THSD7B: variants seen among roughly 807,000 people sequenced by gnomAD.
THSD7B encodes thrombospondin type-1 domain-containing protein 7B.
In THSD7B, 138 loss-of-function variants were observed where a neutral mutation model predicts 213.6. The observed-to-expected ratio is 0.65, with a 90% CI of 0.56 to 0.74. THSD7B has a LOEUF of 0.74. THSD7B is among the 30% of genes least tolerant of loss of function. The pLI is 0.00. For missense variants in THSD7B, 1,931 were observed against 1,991.5 expected (o/e 0.97, Z 0.58); for synonymous variants, 742 against 687.0 (o/e 1.08, Z -1.25).
At chr2:137,574,892 T>C (rs1017971956) in intron 17 of THSD7B, among the ~76,000 whole-genome samples, 4 of 152,116 alleles carry the variant, frequency 2.6e-5, no homozygotes, top group Non-Finnish European at 4.4e-5. Flanking sequence ...GTGCATTTCA[T>C]TAGAAAAAGG....
At chr2:137,169,076 C>T (rs1035262426) in intron 6 of THSD7B, among the ~76,000 whole-genome samples, 3 of 151,100 alleles carry the variant, frequency 2.0e-5, no homozygotes, top group African/African-American at 7.3e-5. Flanking sequence ...GAGAATATAG[C>T]CTCTGACTGG....
chr2:137,329,731 T>C (rs1684451910), intron 12 of THSD7B, among the ~76,000 whole-genome samples: 1 of 152,204 alleles, frequency 6.6e-6, no homozygotes, highest in Non-Finnish European at 1.5e-5. Context: ...TTGGAAAATT[T>C]GCCTGACAAT....
In THSD7B at chr2:137,530,361, A is replaced by G. The variant is rs906893884; in HGVS notation, c.3139-32860A>G. Among the ~76,000 whole-genome samples the G allele has an allele frequency of 3.9e-5, 6 of 152,134 alleles. 1 individual carries two copies. The highest frequency in any genetic ancestry group is 1.4e-4 in the African/African-American group (6 of 41,542). On this transcript the variant is annotated intron_variant, in intron 15 of 27. Transcript: ENST00000409968. ...CTTGCATGACATAGCTAAATGACCT[A>G]TCAGGCCCACCATGTTTCTCAATGA...
intron 1 of THSD7B, among the ~76,000 whole-genome samples, chr2:136,855,123 C>T (rs1042316845): frequency 5.9e-5 from 9 of 152,042 alleles, no homozygotes; most frequent in Non-Finnish European, 1.2e-4. Flanking sequence ...GCCTTACTCG[C>T]GTCTCCTTTA....
chr2:137,516,865 G>A (rs965369949), intron 15 of THSD7B, among the ~76,000 whole-genome samples: 11 of 152,152 alleles, frequency 7.2e-5, no homozygotes, highest in Non-Finnish European at 1.2e-4. Flanking sequence ...AAGGGATTGC[G>A]GAGATTAGTG....
intron 1 of THSD7B, among the ~76,000 whole-genome samples, chr2:136,850,430 G>A (rs955200209): frequency 2.0e-5 from 3 of 152,124 alleles, no homozygotes; most frequent in Non-Finnish European, 4.4e-5. Context: ...TAAAACAAGT[G>A]TAATTTCAGG....
In THSD7B at chr2:137,562,071, C is replaced by G. The variant is rs548479599; in HGVS notation, c.3139-1150C>G. Among the ~76,000 whole-genome samples, 20 of 152,170 alleles carry G rather than the reference C, an allele frequency of 1.3e-4. No individual in the cohort carries two copies. In the South Asian group the frequency reaches 4.1e-3, roughly 32 times the overall value. ...TTTTACCTAACATGCTGACAGTGCT[C>G]CAATCTTGTTTCTTGATTATCCTAT... On this transcript the variant is annotated intron_variant, in intron 15 of 27. Coordinates refer to ENST00000409968, the MANE Select transcript of THSD7B (RefSeq NM_001316349.2).
intron 12 of THSD7B, among the ~76,000 whole-genome samples, chr2:137,277,834 T>C (rs1229145933): frequency 2.0e-5 from 3 of 152,088 alleles, no homozygotes; most frequent in African/African-American, 7.2e-5. Context: ...TGTGTGTATG[T>C]GTGTTGGGAG....
chr2:136,928,308 A>G (rs1684574114), intron 2 of THSD7B, among the ~76,000 whole-genome samples: 1 of 152,216 alleles, frequency 6.6e-6, no homozygotes, highest in African/African-American at 2.4e-5. Flanking sequence ...GAATGGTTGT[A>G]TGGTTACTTG....
chr2:136,919,743 G>A (rs938462383), intron 2 of THSD7B, among the ~76,000 whole-genome samples: 2 of 152,170 alleles, frequency 1.3e-5, no homozygotes, highest in African/African-American at 4.8e-5. Flanking sequence ...TACTGGCCTG[G>A]ATCCCACACC....
At chr2:137,281,734 C>A (rs184518246) in intron 12 of THSD7B, among the ~76,000 whole-genome samples, 5,050 of 152,132 alleles carry the variant, frequency 0.033, 91 homozygotes, top group East Asian at 0.052. Context: ...GACATGAACT[C>A]ATCGTTTTTT....
chr2:137,081,441 G>A (rs1371009269), intron 3 of THSD7B, among the ~76,000 whole-genome samples: 1 of 151,716 alleles, frequency 6.6e-6, no homozygotes, highest in East Asian at 1.9e-4. Context: ...ACTGAATCTT[G>A]TATGTCATCA....
Position 137,580,679 on chromosome 2 carries a change from A to C in THSD7B, c.3423+8123A>C, listed in dbSNP as rs571762036. ...TACCTGAGATTGGGTAATTTATAAG[A>C]AAGAGGTTTAATTGGCTTACAGTCC... is the stretch of plus-strand genomic sequence containing the variant. On this transcript the variant is annotated intron_variant, in intron 17 of 27. Transcript: ENST00000409968. 2.6e-5 allele frequency among the ~76,000 whole-genome samples: 4 copies of C among 152,298 alleles called. No homozygotes were observed. In the South Asian group the frequency reaches 8.3e-4, roughly 32 times the overall value.
At chr2:137,539,099 A>G (rs1680560377) in intron 15 of THSD7B, among the ~76,000 whole-genome samples, 1 of 151,722 alleles carries the variant, frequency 6.6e-6, no homozygotes, top group South Asian at 2.1e-4. Flanking sequence ...TAATAAATCC[A>G]CATGCTATTT....
At chr2:136,893,992 G>A (rs932323144) in intron 2 of THSD7B, among the ~76,000 whole-genome samples, 1 of 152,076 alleles carries the variant, frequency 6.6e-6, no homozygotes, top group Admixed American at 6.5e-5. Flanking sequence ...AACTATTACA[G>A]ATCATGTAGA....
intron 2 of THSD7B, among the ~76,000 whole-genome samples, chr2:136,946,736 C>G (rs1447400413): frequency 6.6e-6 from 1 of 152,222 alleles, no homozygotes; most frequent in African/African-American, 2.4e-5. Flanking sequence ...AGGTTGATCT[C>G]AGTCTACTGC....
chr2:137,197,077 A>G lies in THSD7B; in HGVS notation c.1723+26139A>G, dbSNP rs566333480. On this transcript the variant is annotated intron_variant, in intron 7 of 27. Coordinates refer to ENST00000409968, the MANE Select transcript of THSD7B (RefSeq NM_001316349.2). ...AAGAAACTTCGGACCAATGCAAATT[A>G]GAGACATTGTACAAAATAACTTCAA... Among the ~76,000 whole-genome samples the G allele has an allele frequency of 8.5e-5, 13 of 152,360 alleles. No individual in the cohort carries two copies. The East Asian group carries it at 2.5e-3, about 29-fold the overall frequency.
chr2:137,458,273 GAACCT>G (rs1687811090), intron 15 of THSD7B, among the ~76,000 whole-genome samples: 1 of 152,102 alleles, frequency 6.6e-6, no homozygotes, highest in Non-Finnish European at 1.5e-5. Flanking sequence ...ATCATTCTTT[GAACCT>G]CCAGAAAGTT....
At chr2:137,641,787 C>G (rs1403536408) in intron 20 of THSD7B, among the ~76,000 whole-genome samples, 1 of 152,146 alleles carries the variant, frequency 6.6e-6, no homozygotes, top group Non-Finnish European at 1.5e-5. Context: ...AGTATTTGAA[C>G]ATATGTTTTT....
Sources: gnomAD v4.1 joint callset for allele counts (sites outside exome capture counted in the v4.1 genomes callset) on GRCh38, gnomAD v4.1.1 for gene constraint, MANE v1.5 for transcripts, NCBI Gene and HGNC (gene_info 2026-07-23, HGNC 2026-07-21) for gene names.